Variants in ANKRD13A observed in about 807,000 individuals in gnomAD.
ANKRD13A encodes ankyrin repeat domain 13A.
A neutral mutation model predicts 81.3 loss-of-function variants in ANKRD13A; 48 were observed. The observed-to-expected ratio is 0.59, with a 90% CI of 0.47 to 0.75. ANKRD13A has a LOEUF of 0.75. ANKRD13A is among the 30% of genes least tolerant of loss of function. The pLI is 0.00. For missense variants in ANKRD13A, 612 were observed against 734.0 expected (o/e 0.83, Z 1.92); for synonymous variants, 230 against 270.1 (o/e 0.85, Z 1.45).
At chr12:110,007,600 G>A (rs1417832380) in intron 1 of ANKRD13A, among the ~76,000 whole-genome samples, 2 of 152,022 alleles carry the variant, frequency 1.3e-5, no homozygotes, top group East Asian at 1.9e-4. Flanking sequence ...GGCTGGTCTC[G>A]AACTCCCGAC....
intron 3 of ANKRD13A, among the ~76,000 whole-genome samples, chr12:110,015,022 C>T (rs1488917112): frequency 3.3e-5 from 5 of 152,038 alleles, no homozygotes; most frequent in African/African-American, 4.8e-5. Context: ...GTGATCCGCC[C>T]GCCTCGGCCT....
intron 1 of ANKRD13A, among the ~76,000 whole-genome samples, chr12:110,006,672 C>T (rs1449002899): frequency 1.3e-5 from 2 of 151,584 alleles, no homozygotes; most frequent in African/African-American, 4.9e-5. Flanking sequence ...TCTCGGCTTA[C>T]CACAACCTCC....
At position 110,015,335 on chromosome 12, in the gene ANKRD13A, C is replaced by G. The variant is rs1890734777; in HGVS notation, c.355-1053C>G. Among the ~76,000 whole-genome samples, 4 of 152,246 alleles carry G rather than the reference C, an allele frequency of 2.6e-5. No homozygotes were observed. In the South Asian group the frequency reaches 8.3e-4, roughly 31 times the overall value. ...AATAAATAGGAAGCACTTGCCAGCA[C>G]ACAAACCTTTTACAGTCAAGTTGCT... is the stretch of plus-strand genomic sequence containing the variant. On this transcript the variant is annotated intron_variant, in intron 3 of 14. Transcript: ENST00000261739.
Position 110,029,488 on chromosome 12 carries a change from A to G in ANKRD13A, c.1087A>G (p.Met363Val). The G allele has an allele frequency of 6.2e-7, 1 of 1,611,994 alleles. No homozygotes were observed. Among genetic ancestry groups the G allele is most frequent in the Non-Finnish European group, 8.5e-7 (1 of 1,178,142 alleles). Residue 363 changes from methionine to valine, a missense_variant, in exon 11 of 15, where the codon ATG (methionine) becomes GTG (valine). Transcript: ENST00000261739. The part of the protein sequence containing the change: ...LTIRTQKFKA[M>V]LWMCEEFPLS... ...GGTTGAATTCTGCAGGTTTAAAGCA[A>G]TGTTGTGGATGTGTGAAGAGTTTCC... is the stretch of plus-strand genomic sequence containing the variant.
At position 110,036,176 on chromosome 12, in the gene ANKRD13A, G is replaced by C; in HGVS notation, c.1510-85G>C. On this transcript the variant is annotated intron_variant, in intron 13 of 14. Coordinates refer to ENST00000261739, the MANE Select transcript of ANKRD13A (RefSeq NM_033121.2). This position sits in a 1 kb window ranked among gnomAD's most constrained non-coding sequence, Gnocchi z 4.6. The stretch of plus-strand genomic sequence containing the variant: ...ATGGTCATGGAAAGACTTTTAATTT[G>C]GTTCTTGCTGCCATCGTTTCCTTAC... The C allele has an allele frequency of 8.0e-7, 1 of 1,243,270 alleles. No homozygotes were observed. The highest frequency in any genetic ancestry group is 1.2e-6 in the Non-Finnish European group (1 of 844,292). 77.0% of individuals were successfully genotyped at this position (1,243,270 alleles called of 1,614,324 possible).
chr12:110,026,594 T>A (rs1484091909), intron 8 of ANKRD13A, among the ~76,000 whole-genome samples: 7 of 129,054 alleles, frequency 5.4e-5, no homozygotes, highest in South Asian at 4.9e-4. Context: ...AAAAAAAAAA[T>A]TTCCTGGCTG....
At position 110,016,379 on chromosome 12, in the gene ANKRD13A, G is replaced by T. The variant is rs1323947959; in HGVS notation, c.355-9G>T. 1 of 1,582,358 alleles carries T rather than the reference G, an allele frequency of 6.3e-7. No homozygotes were observed. ...GGTAATCTGTTTTAAACCTTTGTCT[G>T]CCCTTCAGGCTCCGGATTTCTATGT... On this transcript the variant is annotated splice_polypyrimidine_tract_variant and intron_variant, in intron 3 of 14. Transcript: ENST00000261739.
At position 110,029,490 on chromosome 12, in the gene ANKRD13A, G is replaced by A; in HGVS notation, c.1089G>A (p.Met363Ile). 1 of 1,613,140 alleles carries A rather than the reference G, an allele frequency of 6.2e-7. No individual in the cohort carries two copies. The highest frequency in any genetic ancestry group is 8.5e-7 in the Non-Finnish European group (1 of 1,179,122). Residue 363 changes from methionine to isoleucine, a missense_variant, in exon 11 of 15, where the codon ATG (methionine) becomes ATA (isoleucine). Transcript: ENST00000261739. ...LTIRTQKFKA[M>I]LWMCEEFPLS... ...TTGAATTCTGCAGGTTTAAAGCAAT[G>A]TTGTGGATGTGTGAAGAGTTTCCCC... is the stretch of plus-strand genomic sequence containing the variant.
At chr12:110,022,585 G>C (rs1369189725) in intron 6 of ANKRD13A, 1 of 152,258 alleles carries the variant, frequency 6.6e-6, no homozygotes, top group Non-Finnish European at 1.5e-5. Context: ...GTGCATGAAG[G>C]GTGAGGTGGA....
chr12:110,018,481 G>A lies in ANKRD13A; in HGVS notation c.537G>A (p.Lys179=), dbSNP rs750398094. ...GAGGGAGGCGTAGTTTTATATTTAAGGGAGAAGGTGAGTGACTTCTCTTGT... is the reference window on the plus strand; with the variant it reads ...GAGGGAGGCGTAGTTTTATATTTAAAGGAGAAGGTGAGTGACTTCTCTTGT... The part of the protein sequence containing the change: ...WIRGRRSFIF[K]GEDNWAELME... Residue 179 remains lysine (K), a synonymous_variant, in exon 5 of 15, where the codon AAG becomes AAA. Coordinates refer to ENST00000261739, the MANE Select transcript of ANKRD13A (RefSeq NM_033121.2). The surrounding 1 kb of genome is among the most constrained non-coding windows in gnomAD (Gnocchi z 4.4). The A allele has an allele frequency of 1.2e-6, 2 of 1,613,894 alleles. No individual in the cohort carries two copies. The highest frequency in any genetic ancestry group is 3.3e-5 in the Admixed American group (2 of 59,988).
chr12:110,019,106 T>A lies in ANKRD13A; in HGVS notation c.545-33T>A, dbSNP rs767285571. On this transcript the variant is annotated intron_variant, in intron 5 of 14. Coordinates refer to ENST00000261739, the MANE Select transcript of ANKRD13A (RefSeq NM_033121.2). ...CCTTGTTTTTGCATCTTCCCTACTTTGCACTTAGTTATGCCTTTGTTTCCA... is the reference window on the plus strand; with the variant it reads ...CCTTGTTTTTGCATCTTCCCTACTTAGCACTTAGTTATGCCTTTGTTTCCA... 6.5e-7 allele frequency: 1 copy of A among 1,540,410 alleles called. No homozygotes were observed. Among genetic ancestry groups the A allele is most frequent in the Admixed American group, 2.1e-5 (1 of 47,400 alleles).
Position 110,036,123 on chromosome 12 carries a change from G to C in ANKRD13A, c.1510-138G>C. ...TGTTTTTGAGGTAACCCAAGTCCCT[G>C]TTAGCTTTTCACACAGCACTATTGA... is the stretch of plus-strand genomic sequence containing the variant. On this transcript the variant is annotated intron_variant, in intron 13 of 14. Coordinates refer to ENST00000261739, the MANE Select transcript of ANKRD13A (RefSeq NM_033121.2). This position sits in a 1 kb window ranked among gnomAD's most constrained non-coding sequence, Gnocchi z 4.6. 1 of 794,608 alleles carries C rather than the reference G, an allele frequency of 1.3e-6. No homozygotes were observed. The highest frequency in any genetic ancestry group is 1.5e-5 in the South Asian group (1 of 65,954). 49.2% of individuals were successfully genotyped at this position (794,608 alleles called of 1,614,324 possible).
intron 13 of ANKRD13A, among the ~76,000 whole-genome samples, chr12:110,035,414 G>A (rs1031423336): frequency 6.6e-6 from 1 of 151,940 alleles, no homozygotes; most frequent in Non-Finnish European, 1.5e-5. Flanking sequence ...AGACCAGCCT[G>A]GGCAACATAG....
chr12:110,026,393 G>A (rs1378257686), intron 8 of ANKRD13A, among the ~76,000 whole-genome samples: 1 of 151,190 alleles, frequency 6.6e-6, no homozygotes, highest in African/African-American at 2.4e-5. Context: ...GACCAACATG[G>A]AGAAACCCCA....
At chr12:110,001,734 A>G (rs940996196) in intron 1 of ANKRD13A, among the ~76,000 whole-genome samples, 1 of 147,456 alleles carries the variant, frequency 6.8e-6, no homozygotes, top group Non-Finnish European at 1.5e-5. Flanking sequence ...TTCATTTAAA[A>G]AGAATTCCAG....
intron 1 of ANKRD13A, among the ~76,000 whole-genome samples, chr12:110,006,161 G>A (rs1012643346): frequency 6.6e-6 from 1 of 152,020 alleles, no homozygotes; most frequent in Admixed American, 6.6e-5. Flanking sequence ...ATTTATCTTG[G>A]GTATATACCT....
At chr12:110,013,291 G>A (rs1593205884) in intron 3 of ANKRD13A, 42 bp downstream of exon 3, 3 of 1,609,980 alleles carry the variant, frequency 1.9e-6, no homozygotes, top group African/African-American at 1.3e-5. Flanking sequence ...TGAGCTAAAT[G>A]CTGATACAAT....
chr12:109,999,813 C>CG lies in ANKRD13A; in HGVS notation c.96+31dup. 1 of 1,500,364 alleles carries CG rather than the reference C, an allele frequency of 6.7e-7. No homozygotes were observed. Among genetic ancestry groups the CG allele is most frequent in the African/African-American group, 1.4e-5 (1 of 70,154 alleles). The allele number at this position is 1,500,364 out of a possible 1,614,324, so 92.9% of individuals were successfully genotyped here. On this transcript the variant is annotated intron_variant, in intron 1 of 14. Transcript: ENST00000261739. This position sits in a 1 kb window ranked among gnomAD's most constrained non-coding sequence, Gnocchi z 4.3. ...AGGGGCGGGGCGGGGGTCCGTCTCC[C>CG]GGTGGGGACTTCGGGGAATCGGGGG...
chr12:110,019,223 G>A lies in ANKRD13A; in HGVS notation c.629G>A (p.Arg210His), dbSNP rs1481217387. Residue 210 changes from arginine (R) to histidine (H), a missense_variant, in exon 6 of 15, where the codon CGC (arginine) becomes CAC (histidine). Coordinates refer to ENST00000261739, the MANE Select transcript of ANKRD13A (RefSeq NM_033121.2). ...ERFDLSQEME[R>H]LTLDLMKPKS... ...TTCGACCTTTCCCAAGAAATGGAGC[G>A]CCTCACTCTGGACTTGATGAAGCCA... 10 of 1,613,898 alleles carry A rather than the reference G, an allele frequency of 6.2e-6. No homozygotes were observed. The highest frequency in any genetic ancestry group is 2.7e-5 in the African/African-American group (2 of 74,912).
Sources: gnomAD v4.1 joint callset for allele counts (sites outside exome capture counted in the v4.1 genomes callset) on GRCh38, gnomAD v4.1.1 for gene constraint, Gnocchi (gnomAD v3.1) non-coding constraint, MANE v1.5 for transcripts, NCBI Gene and HGNC (gene_info 2026-07-23, HGNC 2026-07-21) for gene names.